The following FRMD4A variants were observed in gnomAD, a reference collection of about 807,000 sequenced individuals.
The protein encoded by FRMD4A is FERM domain containing 4A.
FRMD4A carries 29 observed loss-of-function variants against 129.1 expected under a neutral mutation model. That is an observed-to-expected ratio of 0.22 (90% CI 0.17 to 0.31). The LOEUF (loss-of-function observed/expected upper bound fraction) is 0.31. Among genes scored for constraint, FRMD4A ranks in the 10% least tolerant of loss-of-function variants. The probability of loss-of-function intolerance (pLI) is 1.00; values close to 1 mark genes in which losing one functional copy is unlikely to be tolerated. For missense variants in FRMD4A, 1,272 were observed against 1,375.8 expected, an observed-to-expected ratio of 0.92 and a Z score of 1.19; for synonymous variants, 634 against 571.6, an observed-to-expected ratio of 1.11 and a Z score of -1.56.
At chr10:14,075,787 C>CAT (rs1467630763) in intron 2 of FRMD4A, among the ~76,000 whole-genome samples, 4 of 152,004 alleles carry the variant, frequency 2.6e-5, no homozygotes, top group Non-Finnish European at 5.9e-5. Context: ...CACACACACA[C>CAT]ATATATATAA....
chr10:13,703,805 G>A (rs1197407309), intron 13 of FRMD4A, among the ~76,000 whole-genome samples: 2 of 152,194 alleles, frequency 1.3e-5, no homozygotes, highest in African/African-American at 4.8e-5. Flanking sequence ...AAGAGATTGA[G>A]ACCATCCTGG....
intron 2 of FRMD4A, among the ~76,000 whole-genome samples, chr10:14,251,810 AT>A (rs1210205323): frequency 1.3e-5 from 2 of 152,186 alleles, no homozygotes; most frequent in Non-Finnish European, 2.9e-5. Flanking sequence ...CTGTCCCTTC[AT>A]TTTTTGATGG....
At chr10:14,112,543 TG>T (rs1264894660) in intron 2 of FRMD4A, among the ~76,000 whole-genome samples, 5 of 152,250 alleles carry the variant, frequency 3.3e-5, no homozygotes, top group African/African-American at 1.2e-4. Context: ...TTCCTTTTTT[TG>T]AGATGGAGTC....
intron 2 of FRMD4A, among the ~76,000 whole-genome samples, chr10:14,091,356 C>T (rs917351286): frequency 7.2e-5 from 11 of 151,940 alleles, no homozygotes; most frequent in South Asian, 2.1e-4. Context: ...GAAAAAATTG[C>T]GCTGTGTGTA....
rs150190257 is a variant in FRMD4A, at chr10:13,701,457, C to T, written c.858G>A (p.Thr286=). ...DPRRASVTRR[T]FGHSGIAVHT... Reference sequence around the variant, plus strand: ...GCACTGCAATGCCGCTGTGCCCAAACGTCCTCCTTGTCACTGAAGCCCTGG... The same window carrying T: ...GCACTGCAATGCCGCTGTGCCCAAATGTCCTCCTTGTCACTGAAGCCCTGG... Residue 286 remains threonine, a synonymous_variant, in exon 14 of 25, where the codon ACG becomes ACA. Transcript: ENST00000357447. 9.4e-5 allele frequency: 152 copies of T among 1,613,662 alleles called. No homozygotes were observed. The highest frequency in any genetic ancestry group is 1.1e-4 in the Non-Finnish European group (135 of 1,179,792).
chr10:13,866,369 TTGTG>T (rs1474530125), intron 2 of FRMD4A: 11 of 573,224 alleles, frequency 1.9e-5, no homozygotes, highest in Non-Finnish European at 2.4e-5. Context: ...ACCCAGGCTG[TTGTG>T]TGGCTCAGAA....
chr10:14,220,075 A>C (rs1750410214), intron 2 of FRMD4A, among the ~76,000 whole-genome samples: 1 of 152,178 alleles, frequency 6.6e-6, no homozygotes, highest in South Asian at 2.1e-4. Flanking sequence ...TGGTCCTGAC[A>C]ATCCCGGGTC....
intron 2 of FRMD4A, among the ~76,000 whole-genome samples, chr10:14,159,093 A>T (rs1014530055): frequency 6.6e-6 from 1 of 152,200 alleles, no homozygotes; most frequent in African/African-American, 2.4e-5. Context: ...CAGCCCGAGG[A>T]GGATTATGAT....
chr10:14,184,125 C>CTTTTTTTTTTTTTTTTTTTT (rs58858936), intron 2 of FRMD4A, among the ~76,000 whole-genome samples: 4 of 64,636 alleles, frequency 6.2e-5, no homozygotes, highest in Non-Finnish European at 8.4e-5. Flanking sequence ...CTTTTCTTTT[C>CTTTTTTTTTTTTTTTTTTTT]TTTTTTTTTT....
At chr10:14,255,796 A>G (rs1169537884) in intron 2 of FRMD4A, among the ~76,000 whole-genome samples, 1 of 152,164 alleles carries the variant, frequency 6.6e-6, no homozygotes, top group African/African-American at 2.4e-5. Context: ...ACTTGAGGTC[A>G]AGAGTTCAAG....
intron 2 of FRMD4A, among the ~76,000 whole-genome samples, chr10:13,886,573 T>C (rs1304402434): frequency 6.6e-6 from 1 of 152,154 alleles, no homozygotes; most frequent in Non-Finnish European, 1.5e-5. Context: ...TTTCTTTCTT[T>C]TTTTTCCTTT....
chr10:13,842,083 G>A (rs7070089), intron 3 of FRMD4A, among the ~76,000 whole-genome samples: 43,898 of 152,100 alleles, frequency 0.29, 6,635 homozygotes, highest in Middle Eastern at 0.43. Flanking sequence ...TCACAGAGAG[G>A]CTATTAAGCA....
At chr10:14,071,042 G>A (rs887440338) in intron 2 of FRMD4A, among the ~76,000 whole-genome samples, 6 of 152,202 alleles carry the variant, frequency 3.9e-5, no homozygotes, top group South Asian at 2.1e-4. Flanking sequence ...GACAGAGATC[G>A]CTGATGTACC....
At chr10:13,778,232 T>C (rs1343276863) in intron 6 of FRMD4A, among the ~76,000 whole-genome samples, 6 of 151,746 alleles carry the variant, frequency 4.0e-5, no homozygotes, top group Non-Finnish European at 8.8e-5. Flanking sequence ...CTTTCACATT[T>C]ATTTAAAAAA....
intron 3 of FRMD4A, among the ~76,000 whole-genome samples, chr10:13,836,396 ATTT>A (rs1214894139): frequency 6.6e-6 from 1 of 152,178 alleles, no homozygotes; most frequent in Non-Finnish European, 1.5e-5. Flanking sequence ...AGCCCAAAGC[ATTT>A]TTATGTCATT....
At chr10:14,082,200 T>C (rs1053958718) in intron 2 of FRMD4A, among the ~76,000 whole-genome samples, 3 of 151,976 alleles carry the variant, frequency 2.0e-5, no homozygotes, top group Non-Finnish European at 2.9e-5. Context: ...TGAGCCGAGA[T>C]TGCACCACTG....
intron 2 of FRMD4A, among the ~76,000 whole-genome samples, chr10:13,887,121 G>A (rs1285574022): frequency 7.6e-6 from 1 of 132,002 alleles, no homozygotes; most frequent in African/African-American, 2.8e-5. Context: ...TAACAAGCTA[G>A]AGCCTACAAG....
chr10:13,666,895 GCTTTTCTTTT>G (rs796404138), intron 17 of FRMD4A, among the ~76,000 whole-genome samples: 3 of 145,340 alleles, frequency 2.1e-5, no homozygotes, highest in South Asian at 2.2e-4. Flanking sequence ...TCTTTCGGGA[GCTTTTCTTTT>G]CTTTTCTTTT....
At chr10:13,794,391 C>CAAAAAAAAAAAAAAAAA (rs5783349) in intron 5 of FRMD4A, among the ~76,000 whole-genome samples, 1 of 102,962 alleles carries the variant, frequency 9.7e-6, no homozygotes, top group Non-Finnish European at 1.9e-5. Context: ...GAATCCGTCT[C>CAAAAAAAAAAAAAAAAA]AAAAAAAAAA....
Sources: allele counts gnomAD v4.1 joint callset (sites outside exome capture counted in the v4.1 genomes callset), GRCh38; gene constraint gnomAD v4.1.1; transcripts MANE v1.5; gene names NCBI Gene and HGNC (gene_info 2026-07-23, HGNC 2026-07-21).